Variants in ALOX12B observed in about 807,000 individuals in gnomAD.
The protein encoded by ALOX12B is arachidonate 12-lipoxygenase, 12R-type.
Under a neutral mutation model 78.9 loss-of-function variants are expected in ALOX12B, and 47 were observed. The ratio of observed to expected loss-of-function variants is 0.60; its 90% CI spans 0.47 to 0.76. The LOEUF (loss-of-function observed/expected upper bound fraction) is 0.76. ALOX12B is among the 30% of genes least tolerant of loss of function. ALOX12B has a pLI of 0.00. For missense variants in ALOX12B, 805 were observed against 922.6 expected, an observed-to-expected ratio of 0.87 and a Z score of 1.65; for synonymous variants, 370 against 374.5, an observed-to-expected ratio of 0.99 and a Z score of 0.14.
In ALOX12B at chr17:8,079,482, G is replaced by C; in HGVS notation, c.985C>G (p.Leu329Val). The C allele has an allele frequency of 6.4e-7, 1 of 1,551,044 alleles. No homozygotes were observed. Among genetic ancestry groups the C allele is most frequent in the Non-Finnish European group, 8.7e-7 (1 of 1,146,994 alleles). ...RIMEGIPTVE[L>V]SGRKQHHCAP... ...CAGTGGTGCTGCTTCCGGCCGCTGA[G>C]CTCCACGGTGGGGATGCCCTCCATG... The change falls in exon 8 of 15, where the codon CTC (leucine) becomes GTC (valine). Residue 329 changes from leucine to valine, a missense_variant. Physicochemically the swap from Leu to Val is conservative, Grantham distance 32. Coordinates refer to ENST00000647874, the MANE Select transcript of ALOX12B (RefSeq NM_001139.3). This position sits in a 1 kb window ranked among gnomAD's most constrained non-coding sequence, Gnocchi z 6.4.
intron 9 of ALOX12B, 85 bp downstream of exon 9, chr17:8,076,905 C>G: frequency 6.7e-7 from 1 of 1,492,460 alleles, no homozygotes; most frequent in Non-Finnish European, 9.1e-7. Flanking sequence ...TGGAGTCTCT[C>G]TGACTGCTCA....
intron 8 of ALOX12B, among the ~76,000 whole-genome samples, chr17:8,078,542 G>A (rs1977137706): frequency 6.6e-6 from 1 of 150,876 alleles, no homozygotes; most frequent in Non-Finnish European, 1.5e-5. Context: ...AGGCTGAGGC[G>A]GGAGAATCGC....
chr17:8,076,735 GA>G lies in ALOX12B; in HGVS notation c.1283del (p.Ile428ThrfsTer39). On this transcript the variant is annotated frameshift_variant, in exon 10 of 15. Coordinates refer to ENST00000647874, the MANE Select transcript of ALOX12B (RefSeq NM_001139.3). LOFTEE classifies it high-confidence loss of function. ...TCTGGACGGTGTATCGGGTATGGGG[GA>G]TGAGGAGCTGTGGGGAGAGCAAGGA... is the stretch of plus-strand genomic sequence containing the variant. Reference protein sequence around the residue: ...PMCHPLYKLLIPHTRYTVQIN... With the variant: ...PMCHPLYKLLXPHTRYTVQIN... 1 of 1,550,526 alleles carries G rather than the reference GA, an allele frequency of 6.4e-7. No homozygotes were observed. Among genetic ancestry groups the G allele is most frequent in the Admixed American group, 2.0e-5 (1 of 51,024 alleles).
chr17:8,077,424 G>T (rs1328798582), intron 8 of ALOX12B, among the ~76,000 whole-genome samples: 3 of 152,192 alleles, frequency 2.0e-5, no homozygotes, highest in African/African-American at 7.2e-5. Context: ...CTACCTGGCA[G>T]CTCCCACTTA....
At position 8,080,038 on chromosome 17, in the gene ALOX12B, C is replaced by T. The variant is rs1555643129; in HGVS notation, c.755-97G>A. On this transcript the variant is annotated intron_variant, in intron 6 of 14. Transcript: ENST00000647874. This position sits in a 1 kb window ranked among gnomAD's most constrained non-coding sequence, Gnocchi z 4.8. ...GAAGACTATGGGCACCGAGAGGAGT[C>T]GGGGAGGAAAACGAGGCCCCCAGCC... is the stretch of plus-strand genomic sequence containing the variant. 2 of 1,545,398 alleles carry T rather than the reference C, an allele frequency of 1.3e-6. No individual in the cohort carries two copies. The highest frequency in any genetic ancestry group is 1.9e-5 in the Admixed American group (1 of 52,410).
intron 2 of ALOX12B, among the ~76,000 whole-genome samples, chr17:8,083,987 T>C (rs1032950538): frequency 6.6e-6 from 1 of 151,858 alleles, no homozygotes; most frequent in African/African-American, 2.4e-5. Context: ...TGAAACCCCA[T>C]CTGTACTAAA....
Position 8,081,143 on chromosome 17 carries a change from T to C in ALOX12B, c.397A>G (p.Arg133Gly), listed in dbSNP as rs1085307988. The C allele has an allele frequency of 2.5e-6, 4 of 1,613,786 alleles. No individual in the cohort carries two copies. Among genetic ancestry groups the C allele is most frequent in the Admixed American group, 1.7e-5 (1 of 59,992 alleles). Reference protein sequence around the residue: ...DDSLPVLLEHRKEEIRAKQDF... With the variant: ...DDSLPVLLEHGKEEIRAKQDF... ...TGCTTGGCTCTGATCTCCTCTTTTCTGTGCTCCAGGAGGACGGGGAGCGAG... is the reference window on the plus strand; with the variant it reads ...TGCTTGGCTCTGATCTCCTCTTTTCCGTGCTCCAGGAGGACGGGGAGCGAG... Residue 133 changes from arginine (R) to glycine (G), a missense_variant, in exon 3 of 15, where the codon AGA becomes GGA. Arg to Gly is a moderately radical substitution (Grantham distance 125). Transcript: ENST00000647874.
Position 8,080,853 on chromosome 17 carries a change from G to C in ALOX12B, c.527+31C>G. 6.2e-7 allele frequency: 1 copy of C among 1,613,892 alleles called. No individual in the cohort carries two copies. The highest frequency in any genetic ancestry group is 8.5e-7 in the Non-Finnish European group (1 of 1,179,954). ...GGCAGGCGCCCAGGGGAAAACCATGGGCGGGGCCCAGCACAGCTTCGGGTC... is the reference window on the plus strand; with the variant it reads ...GGCAGGCGCCCAGGGGAAAACCATGCGCGGGGCCCAGCACAGCTTCGGGTC... On this transcript the variant is annotated intron_variant, in intron 4 of 14. Coordinates refer to ENST00000647874, the MANE Select transcript of ALOX12B (RefSeq NM_001139.3). This position sits in a 1 kb window ranked among gnomAD's most constrained non-coding sequence, Gnocchi z 4.8.
Position 8,080,384 on chromosome 17 carries a change from G to A in ALOX12B, c.651-46C>T. 1.9e-6 allele frequency: 3 copies of A among 1,605,682 alleles called. No individual in the cohort carries two copies. Among genetic ancestry groups the A allele is most frequent in the South Asian group, 2.2e-5 (2 of 90,944 alleles). ...AAGAGGCCTTCAGAGGGGCTGCCAA[G>A]CGCCGGCTGGGGCAGGTGGCGGGGC... On this transcript the variant is annotated intron_variant, in intron 5 of 14. Coordinates refer to ENST00000647874, the MANE Select transcript of ALOX12B (RefSeq NM_001139.3). This position sits in a 1 kb window ranked among gnomAD's most constrained non-coding sequence, Gnocchi z 4.8.
At chr17:8,077,302 T>C in intron 8 of ALOX12B, 109 bp from the exon 9 acceptor site, 1 of 1,120,368 alleles carries the variant, frequency 8.9e-7, no homozygotes, top group Non-Finnish European at 1.3e-6. Flanking sequence ...AAAACACTCC[T>C]AAGCTCCGGT....
chr17:8,079,644 G>T lies in ALOX12B; in HGVS notation c.928-105C>A. 6.5e-7 allele frequency: 1 copy of T among 1,532,192 alleles called. No individual in the cohort carries two copies. Among genetic ancestry groups the T allele is most frequent in the Middle Eastern group, 2.3e-4 (1 of 4,410 alleles). 94.9% of individuals were successfully genotyped at this position (1,532,192 alleles called of 1,614,324 possible). On this transcript the variant is annotated intron_variant, in intron 7 of 14. Coordinates refer to ENST00000647874, the MANE Select transcript of ALOX12B (RefSeq NM_001139.3). The surrounding 1 kb of genome is among the most constrained non-coding windows in gnomAD (Gnocchi z 6.4). ...TGGCGACTAGGGGCAGGGGTGGGACGGGGACAGGGACGCGGGGTGCGGGCT... is the reference window on the plus strand; with the variant it reads ...TGGCGACTAGGGGCAGGGGTGGGACTGGGACAGGGACGCGGGGTGCGGGCT...
rs1977013595 is a variant in ALOX12B, at chr17:8,073,009, C to T, written c.1927-59G>A. ...GCCGGCCAGCACCCCCTCCTCCTGC[C>T]GGTGGCCCTGGCCCCTCCACCCTTT... On this transcript the variant is annotated intron_variant, in intron 14 of 14. Transcript: ENST00000647874. 5.6e-6 allele frequency: 9 copies of T among 1,594,702 alleles called. No individual in the cohort carries two copies. In the South Asian group the frequency reaches 8.9e-5, roughly 16 times the overall value.
chr17:8,072,821 G>A lies in ALOX12B; in HGVS notation c.2056C>T (p.Pro686Ser). 6.2e-7 allele frequency: 1 copy of A among 1,614,240 alleles called. No homozygotes were observed. The highest frequency in any genetic ancestry group is 8.5e-7 in the Non-Finnish European group (1 of 1,180,044). Residue 686 changes from proline to serine, a missense_variant, in exon 15 of 15, where the codon CCC becomes TCC. By Grantham distance (74) the Pro-to-Ser change is moderately conservative. Transcript: ENST00000647874. ...AGCACCGGGTCCAGGTAGTAGTAGG[G>A]GATGGGAAGGCACTTGTTGCGCTGG... ...IRQRNKCLPIPYYYLDPVLIE... is the reference protein window; with the variant it reads ...IRQRNKCLPISYYYLDPVLIE...
chr17:8,073,823 G>A, intron 12 of ALOX12B, 66 bp from the exon 13 acceptor site: 2 of 1,257,548 alleles, frequency 1.6e-6, no homozygotes, highest in Non-Finnish European at 1.2e-6. Flanking sequence ...CCGGCAGAGG[G>A]CGCCACCATG....
chr17:8,076,670 C>A lies in ALOX12B; in HGVS notation c.1349G>T (p.Gly450Val), dbSNP rs772257172. ...CAGAAGTCTTACCTTGGCAGAGAGCCCCCCCTCATTGAGGAGAACGGCCCG... is the reference window on the plus strand; with the variant it reads ...CAGAAGTCTTACCTTGGCAGAGAGCACCCCCTCATTGAGGAGAACGGCCCG... Reference protein sequence around the residue: ...IGRAVLLNEGGLSAKGMSLGV... With the variant: ...IGRAVLLNEGVLSAKGMSLGV... Residue 450 changes from glycine to valine, a missense_variant, in exon 10 of 15, where the codon GGG (glycine) becomes GTG (valine). Gly to Val is a moderately radical substitution (Grantham distance 109). Transcript: ENST00000647874. 9 of 1,551,262 alleles carry A rather than the reference C, an allele frequency of 5.8e-6. No homozygotes were observed. The highest frequency in any genetic ancestry group is 4.1e-5 in the African/African-American group (3 of 73,028).
intron 1 of ALOX12B, 69 bp downstream of exon 1, chr17:8,087,223 CACAG>C (rs1747509374): frequency 1.3e-6 from 2 of 1,515,034 alleles, no homozygotes; most frequent in African/African-American, 4.1e-5. Context: ...CACAGACACA[CACAG>C]ACACACACAG....
chr17:8,075,023 G>A (rs369426493), intron 12 of ALOX12B, among the ~76,000 whole-genome samples: 15 of 152,132 alleles, frequency 9.9e-5, no homozygotes, highest in South Asian at 4.1e-4. Flanking sequence ...TGGGTTAGGC[G>A]CCTTCCCTGG....
intron 8 of ALOX12B, 67 bp from the exon 9 acceptor site, chr17:8,077,260 A>C (rs1977108362): frequency 1.4e-6 from 2 of 1,478,674 alleles, no homozygotes; most frequent in Admixed American, 3.9e-5. Flanking sequence ...GCCCCACCGC[A>C]GGAAGGAGGC....
chr17:8,081,890 G>A (rs965624567), intron 2 of ALOX12B, among the ~76,000 whole-genome samples: 1 of 152,030 alleles, frequency 6.6e-6, no homozygotes, highest in Admixed American at 6.5e-5. Context: ...TCATCTGCAC[G>A]CCTCTGCCTC....
Sources: gnomAD v4.1 joint callset for allele counts (sites outside exome capture counted in the v4.1 genomes callset) on GRCh38, gnomAD v4.1.1 for gene constraint, Gnocchi (gnomAD v3.1) non-coding constraint, MANE v1.5 for transcripts, NCBI Gene and HGNC (gene_info 2026-07-23, HGNC 2026-07-21) for gene names.